Variants in THAP4 observed in about 807,000 individuals in gnomAD.
The protein encoded by THAP4 is THAP domain containing 4, also known as peroxynitrite isomerase THAP4.
Under a neutral mutation model 48.1 loss-of-function variants are expected in THAP4, and 18 were observed. The observed-to-expected ratio is 0.37, with a 90% CI of 0.26 to 0.56. THAP4 has a LOEUF of 0.56. Ranked by LOEUF, THAP4 falls within the 20% of genes least tolerant of loss-of-function variation. THAP4 has a pLI of 0.78. For missense variants in THAP4, 656 were observed against 774.9 expected, an observed-to-expected ratio of 0.85 and a Z score of 1.82; for synonymous variants, 345 against 324.9, an observed-to-expected ratio of 1.06 and a Z score of -0.66.
At chr2:241,600,687 C>CA (rs1423324373) in intron 5 of THAP4, among the ~76,000 whole-genome samples, 1 of 144,354 alleles carries the variant, frequency 6.9e-6, no homozygotes, top group Middle Eastern at 3.7e-3. Flanking sequence ...GAGATTGCTC[C>CA]ACTGCACTCC....
In THAP4 at chr2:241,601,695, C is replaced by A; in HGVS notation, c.1614+201G>T. The A allele has an allele frequency of 1.0e-6, 1 of 957,074 alleles. No homozygotes were observed. The highest frequency in any genetic ancestry group is 2.3e-4 in the Middle Eastern group (1 of 4,414). 59.3% of individuals were successfully genotyped at this position (957,074 alleles called of 1,614,324 possible). On this transcript the variant is annotated intron_variant, in intron 5 of 5. Transcript: ENST00000407315. This position sits in a 1 kb window ranked among gnomAD's most constrained non-coding sequence, Gnocchi z 4.0. ...AACAAACCTCAAAAAAACCACACCA[C>A]TGACCAGCCGAGGAGGGGGCAATGA... is the stretch of plus-strand genomic sequence containing the variant.
Position 241,636,923 on chromosome 2 carries a change from G to A in THAP4, c.77+18C>T. 8.2e-7 allele frequency: 1 copy of A among 1,226,502 alleles called. No individual in the cohort carries two copies. The highest frequency in any genetic ancestry group is 1.0e-6 in the Non-Finnish European group (1 of 958,962). 76.0% of individuals were successfully genotyped at this position (1,226,502 alleles called of 1,614,324 possible). A position where few individuals can be genotyped will look rare whatever the true frequency, so the allele number is the denominator to read the frequency against. On this transcript the variant is annotated intron_variant, in intron 1 of 5. Coordinates refer to ENST00000407315, the MANE Select transcript of THAP4 (RefSeq NM_015963.6). ...GGCCGGGTCGGGGCGGGGGCGTGGC[G>A]GCCCGGGGCCCGCGTACCTGTGGAA...
At chr2:241,637,377 C>G, upstream of THAP4, 1 of 1,391,908 alleles carries the variant, frequency 7.2e-7, no homozygotes, top group South Asian at 1.3e-5. Context: ...GATGGCTGCT[C>G]GGACGGGGAC....
chr2:241,627,818 C>T (rs1575038234), intron 2 of THAP4, among the ~76,000 whole-genome samples: 1 of 152,188 alleles, frequency 6.6e-6, no homozygotes, highest in Non-Finnish European at 1.5e-5. Context: ...GTGCCCACAC[C>T]GCATGCCCAG....
intron 1 of THAP4, among the ~76,000 whole-genome samples, chr2:241,636,146 C>T (rs2067646622): frequency 6.6e-6 from 1 of 152,244 alleles, no homozygotes; most frequent in Admixed American, 6.5e-5. Context: ...TCTTATAATA[C>T]ATTGTAATGA....
At chr2:241,613,129 G>A (rs898597638) in intron 2 of THAP4, among the ~76,000 whole-genome samples, 1 of 152,064 alleles carries the variant, frequency 6.6e-6, no homozygotes, top group African/African-American at 2.4e-5. Flanking sequence ...CGACAGTGCA[G>A]GAATGGAGTT....
At position 241,603,775 on chromosome 2, in the gene THAP4, C is replaced by G. The variant is rs147214148; in HGVS notation, c.1401-696G>C. Among the ~76,000 whole-genome samples, 68 of 152,262 alleles carry G rather than the reference C, an allele frequency of 4.5e-4. 1 individual carries two copies. In the East Asian group the frequency reaches 0.011, roughly 25 times the overall value. On this transcript the variant is annotated intron_variant, in intron 3 of 5. Coordinates refer to ENST00000407315, the MANE Select transcript of THAP4 (RefSeq NM_015963.6). ...CAGGTGCTGAGTTATGGTATGGTTT[C>G]TTATCACCCTTCATCATTAGTGCAA...
At chr2:241,625,667 G>A (rs1471389884) in intron 2 of THAP4, among the ~76,000 whole-genome samples, 1 of 150,556 alleles carries the variant, frequency 6.6e-6, no homozygotes, top group African/African-American at 2.4e-5. Context: ...GCGTCATGGC[G>A]GGCGCCTGTG....
chr2:241,622,307 A>C (rs2067438025), intron 2 of THAP4, among the ~76,000 whole-genome samples: 1 of 152,082 alleles, frequency 6.6e-6, no homozygotes, highest in Non-Finnish European at 1.5e-5. Context: ...GGAGGTTGCA[A>C]TGAGCTGAGA....
intron 2 of THAP4, chr2:241,617,486 T>C: frequency 3.9e-6 from 6 of 1,547,172 alleles, no homozygotes; most frequent in Non-Finnish European, 1.7e-6. Flanking sequence ...TGACGGGAAA[T>C]GTTTGCACCT....
chr2:241,618,139 C>T (rs75369589), intron 2 of THAP4, among the ~76,000 whole-genome samples: 22,452 of 152,210 alleles, frequency 0.15, 1,895 homozygotes, highest in South Asian at 0.37. Flanking sequence ...TCCAGGAACA[C>T]CGTGATATGT....
At chr2:241,627,817 C>T (rs780612354) in intron 2 of THAP4, among the ~76,000 whole-genome samples, 2 of 152,226 alleles carry the variant, frequency 1.3e-5, no homozygotes, top group Non-Finnish European at 2.9e-5. Flanking sequence ...TGTGCCCACA[C>T]CGCATGCCCA....
rs187107567 is a variant in THAP4 at position 241,601,200 on chromosome 2, C to T, written c.1614+696G>A. 6.6e-6 allele frequency among the ~76,000 whole-genome samples: 1 copy of T among 152,290 alleles called. No individual in the cohort carries two copies. Among genetic ancestry groups the T allele is most frequent in the East Asian group, 1.9e-4 (1 of 5,180 alleles). On this transcript the variant is annotated intron_variant, in intron 5 of 5. Coordinates refer to ENST00000407315, the MANE Select transcript of THAP4 (RefSeq NM_015963.6). The surrounding 1 kb of genome is among the most constrained non-coding windows in gnomAD (Gnocchi z 4.0). ...GGCCGAGGCAGGAGAATCGCTTGAACCTGAGAGGCGGTGGTTGCGATGAGC... is the reference window on the plus strand; with the variant it reads ...GGCCGAGGCAGGAGAATCGCTTGAATCTGAGAGGCGGTGGTTGCGATGAGC...
chr2:241,598,085 G>C (rs2067071330), intron 5 of THAP4, among the ~76,000 whole-genome samples: 1 of 151,700 alleles, frequency 6.6e-6, no homozygotes, highest in Non-Finnish European at 1.5e-5. Context: ...AAGTGACATA[G>C]AACAGCACAT....
rs2067590925 is a variant in THAP4 at position 241,633,279 on chromosome 2, G to A, written c.878C>T (p.Pro293Leu). 8.1e-6 allele frequency: 13 copies of A among 1,611,602 alleles called. No individual in the cohort carries two copies. The highest frequency in any genetic ancestry group is 1.7e-5 in the Admixed American group (1 of 59,968). Residue 293 changes from proline to leucine, a missense_variant, in exon 2 of 6, where the codon CCG (proline) becomes CTG (leucine). Coordinates refer to ENST00000407315, the MANE Select transcript of THAP4 (RefSeq NM_015963.6). This position sits in a 1 kb window ranked among gnomAD's most constrained non-coding sequence, Gnocchi z 7.5. The stretch of plus-strand genomic sequence containing the variant: ...AGAGGGGCTCTGGGAAGGCTTCTGC[G>A]GTGTCGCGGTAAGTGATGAGCTGGG... ...SPPSSSLTAT[P>L]QKPSQSPSAP...
intron 3 of THAP4, 74 bp downstream of exon 3, chr2:241,606,240 T>C: frequency 2.2e-6 from 3 of 1,363,318 alleles, no homozygotes; most frequent in Non-Finnish European, 2.0e-6. Flanking sequence ...TTGTCTTTGA[T>C]CAGTCTGGAA....
chr2:241,594,553 C>A, intron 5 of THAP4: 1 of 329,898 alleles, frequency 3.0e-6, no homozygotes, highest in Non-Finnish European at 6.1e-6. Flanking sequence ...GGCAAGACCC[C>A]ATCTCTACTA....
chr2:241,588,939 G>A (rs967182697), intron 5 of THAP4, among the ~76,000 whole-genome samples: 29 of 152,200 alleles, frequency 1.9e-4, no homozygotes, highest in South Asian at 6.2e-4. Flanking sequence ...TCTAGACTGC[G>A]CATGGTGGCT....
In THAP4 at chr2:241,608,930, G is replaced by A. The variant is rs1261215272; in HGVS notation, c.1241-2457C>T. 3.9e-5 allele frequency among the ~76,000 whole-genome samples: 6 copies of A among 152,210 alleles called. No homozygotes were observed. The South Asian group carries it at 6.2e-4, about 16-fold the overall frequency. On this transcript the variant is annotated intron_variant, in intron 2 of 5. Transcript: ENST00000407315. ...CAGACCAGGTGGAAGTGCCAGAGAC[G>A]GAGGTCCTGGGTACGTAGGCCTGGT...
Sources: gnomAD v4.1 joint callset for allele counts (sites outside exome capture counted in the v4.1 genomes callset) on GRCh38, gnomAD v4.1.1 for gene constraint, Gnocchi (gnomAD v3.1) non-coding constraint, MANE v1.5 for transcripts, NCBI Gene and HGNC (gene_info 2026-07-23, HGNC 2026-07-21) for gene names.